Variants in FURIN observed in about 807,000 individuals in gnomAD.
FURIN encodes the protein furin, paired basic amino acid cleaving enzyme.
A neutral mutation model predicts 89.2 loss-of-function variants in FURIN; 18 were observed. The ratio of observed to expected loss-of-function variants is 0.20; its 90% CI spans 0.14 to 0.30. The LOEUF (loss-of-function observed/expected upper bound fraction) is 0.30. Ranked by LOEUF, FURIN falls within the 10% of genes least tolerant of loss-of-function variation. The probability of loss-of-function intolerance (pLI) is 1.00; values close to 1 mark genes in which losing one functional copy is unlikely to be tolerated. For synonymous variants in FURIN, 508 were observed against 466.4 expected (o/e 1.09, Z -1.15); for missense variants, 879 against 1,100.5 (o/e 0.80, Z 2.85).
chr15:90,875,029 CTTTTTTTT>C (rs11343964), intron 1 of FURIN, among the ~76,000 whole-genome samples: 1 of 101,278 alleles, frequency 9.9e-6, no homozygotes, highest in Non-Finnish European at 2.0e-5. Flanking sequence ...TTCTGTTACA[CTTTTTTTT>C]TTTTTTTTTT....
In FURIN at chr15:90,880,692, C is replaced by G; in HGVS notation, c.1558C>G (p.Pro520Ala). Residue 520 changes from proline to alanine, a missense_variant and splice_region_variant, in exon 14 of 16, where the codon CCA becomes GCA. By Grantham distance (27) the Pro-to-Ala change is conservative. This residue lies in a region of FURIN where 457 missense variants were observed against 490.7 expected (regional missense o/e 0.93). Coordinates refer to ENST00000268171, the MANE Select transcript of FURIN (RefSeq NM_002569.4). ...GGCTGTGTGCACTCCCCTCCCCAGG[C>G]CACATGACTACTCCGCAGATGGGTT... Reference protein sequence around the residue: ...GTRSTLLAARPHDYSADGFND... With the variant: ...GTRSTLLAARAHDYSADGFND... 1 of 1,612,240 alleles carries G rather than the reference C, an allele frequency of 6.2e-7. No individual in the cohort carries two copies. The highest frequency in any genetic ancestry group is 8.5e-7 in the Non-Finnish European group (1 of 1,179,006).
intron 1 of FURIN, among the ~76,000 whole-genome samples, chr15:90,872,408 G>A (rs1186805592): frequency 6.6e-6 from 1 of 152,110 alleles, no homozygotes; most frequent in Non-Finnish European, 1.5e-5. Context: ...CTCATCCACC[G>A]GAGAGTGTTG....
Position 90,868,596 on chromosome 15 carries a change from C to T in FURIN, c.-275C>T, listed in dbSNP as rs2031152347. The T allele has an allele frequency of 6.6e-6, 1 of 152,258 alleles. No individual in the cohort carries two copies. Among genetic ancestry groups the T allele is most frequent in the African/African-American group, 2.4e-5 (1 of 41,456 alleles). The allele number at this position is 152,258 out of a possible 1,614,324, so 9.4% of individuals were successfully genotyped here. ...TTTTCCCAAAGTGGTTTAGCCAGAACTGGAAGGGCCCCGCCCTGTGAAGGG... is the reference window on the plus strand; with the variant it reads ...TTTTCCCAAAGTGGTTTAGCCAGAATTGGAAGGGCCCCGCCCTGTGAAGGG... On this transcript the variant is annotated 5_prime_UTR_variant, in exon 1 of 16. Coordinates refer to ENST00000268171, the MANE Select transcript of FURIN (RefSeq NM_002569.4).
intron 7 of FURIN, among the ~76,000 whole-genome samples, chr15:90,877,925 G>A (rs2031726754): frequency 1.3e-5 from 2 of 152,242 alleles, no homozygotes; most frequent in African/African-American, 4.8e-5. Context: ...GTTGGGGGCA[G>A]GAGGTGTTCT....
rs965985141 is a variant in FURIN, at chr15:90,876,192, G to A, written c.178-63G>A. On this transcript the variant is annotated intron_variant, in intron 2 of 15. Coordinates refer to ENST00000268171, the MANE Select transcript of FURIN (RefSeq NM_002569.4). The surrounding 1 kb of genome is among the most constrained non-coding windows in gnomAD (Gnocchi z 5.0). ...TCCCATGAAGCCGTTGTCCACCCCC[G>A]TCCCCCGCCTCCCGGGGACTGACAG... is the stretch of plus-strand genomic sequence containing the variant. 30 of 1,110,240 alleles carry A rather than the reference G, an allele frequency of 2.7e-5. No homozygotes were observed. The highest frequency in any genetic ancestry group is 1.6e-4 in the East Asian group (7 of 42,622). The allele number at this position is 1,110,240 out of a possible 1,614,324, so 68.8% of individuals were successfully genotyped here. A position where few individuals can be genotyped will look rare whatever the true frequency, so the allele number is the denominator to read the frequency against.
At chr15:90,871,772 C>T (rs1026154318) in intron 1 of FURIN, among the ~76,000 whole-genome samples, 16 of 149,316 alleles carry the variant, frequency 1.1e-4, no homozygotes, top group African/African-American at 3.9e-4. Context: ...GCCGGTGCAG[C>T]CCTGACCCGG....
In FURIN at chr15:90,881,075, G is replaced by A; in HGVS notation, c.1792+35G>A. 1 of 1,473,764 alleles carries A rather than the reference G, an allele frequency of 6.8e-7. No individual in the cohort carries two copies. The highest frequency in any genetic ancestry group is 9.5e-7 in the Non-Finnish European group (1 of 1,052,018). 91.3% of individuals were successfully genotyped at this position (1,473,764 alleles called of 1,614,324 possible). On this transcript the variant is annotated intron_variant, in intron 15 of 15. Transcript: ENST00000268171. This position sits in a 1 kb window ranked among gnomAD's most constrained non-coding sequence, Gnocchi z 4.3. ...GGGTGCTGTTGGGCTTTGGGGGCCT[G>A]AGTCTGGGGGTAAGGCGGGTGCCTG... is the stretch of plus-strand genomic sequence containing the variant.
chr15:90,877,709 C>A, intron 7 of FURIN, 94 bp downstream of exon 7: 1 of 866,656 alleles, frequency 1.2e-6, no homozygotes, highest in Non-Finnish European at 1.8e-6. Context: ...TGCCACTTTC[C>A]CACTGTGGAT....
In FURIN at chr15:90,877,036, G is replaced by A. The variant is rs373490986; in HGVS notation, c.501+12G>A. 75 of 1,613,952 alleles carry A rather than the reference G, an allele frequency of 4.6e-5. No individual in the cohort carries two copies. Among genetic ancestry groups the A allele is most frequent in the South Asian group, 1.1e-4 (10 of 91,072 alleles). ...TGGCAGGCAATTATGTGAGGAAGTC[G>A]GGGAGGGAGGCCGTGATCCCTGCTG... On this transcript the variant is annotated intron_variant, in intron 5 of 15. Transcript: ENST00000268171.
intron 1 of FURIN, among the ~76,000 whole-genome samples, chr15:90,873,313 C>G (rs1015062017): frequency 6.6e-6 from 1 of 152,102 alleles, no homozygotes; most frequent in Non-Finnish European, 1.5e-5. Flanking sequence ...TGTTCAGTTG[C>G]GCCTGACGCC....
At chr15:90,875,949 G>A in intron 2 of FURIN, 32 bp downstream of exon 2, 3 of 1,512,574 alleles carry the variant, frequency 2.0e-6, no homozygotes, top group Non-Finnish European at 2.7e-6. Context: ...ACTGCCAGGG[G>A]GTGGGACCAG....
At chr15:90,871,071 G>T (rs1596072905) in intron 1 of FURIN, among the ~76,000 whole-genome samples, 1 of 152,334 alleles carries the variant, frequency 6.6e-6, no homozygotes, top group African/African-American at 2.4e-5. Context: ...CCAAGAGGAG[G>T]CTGGTCCTGC....
Position 90,876,773 on chromosome 15 carries a change from G to A in FURIN, c.373-123G>A, listed in dbSNP as rs76697532. Reference sequence around the variant, plus strand: ...CCATGGAGTCCAGACAGCCAGTGGCGGCCTTTCAGGAGCAGGGATGGTACA... The same window carrying A: ...CCATGGAGTCCAGACAGCCAGTGGCAGCCTTTCAGGAGCAGGGATGGTACA... On this transcript the variant is annotated intron_variant, in intron 4 of 15. Coordinates refer to ENST00000268171, the MANE Select transcript of FURIN (RefSeq NM_002569.4). The surrounding 1 kb of genome is among the most constrained non-coding windows in gnomAD (Gnocchi z 5.0). 2.7e-4 allele frequency: 301 copies of A among 1,104,520 alleles called. 1 individual carries two copies. Among genetic ancestry groups the A allele is most frequent in the East Asian group, 1.1e-3 (47 of 41,628 alleles). The allele number at this position is 1,104,520 out of a possible 1,614,324, so 68.4% of individuals were successfully genotyped here.
Position 90,881,063 on chromosome 15 carries a change from C to T in FURIN, c.1792+23C>T, listed in dbSNP as rs1257967663. On this transcript the variant is annotated intron_variant, in intron 15 of 15. Coordinates refer to ENST00000268171, the MANE Select transcript of FURIN (RefSeq NM_002569.4). This position sits in a 1 kb window ranked among gnomAD's most constrained non-coding sequence, Gnocchi z 4.3. ...TGGGTCAGTAGTGGGTGCTGTTGGG[C>T]TTTGGGGGCCTGAGTCTGGGGGTAA... is the stretch of plus-strand genomic sequence containing the variant. 2.0e-6 allele frequency: 3 copies of T among 1,537,744 alleles called. No homozygotes were observed. Among genetic ancestry groups the T allele is most frequent in the Non-Finnish European group, 2.7e-6 (3 of 1,110,440 alleles).
intron 1 of FURIN, among the ~76,000 whole-genome samples, chr15:90,875,380 G>A (rs1249701870): frequency 1.3e-5 from 2 of 152,072 alleles, no homozygotes; most frequent in Non-Finnish European, 2.9e-5. Context: ...GGATTGGGGG[G>A]GATTGTGAGG....
chr15:90,878,685 C>A, intron 8 of FURIN, 79 bp from the exon 9 acceptor site: 1 of 821,508 alleles, frequency 1.2e-6, no homozygotes, highest in East Asian at 2.6e-5. Flanking sequence ...TCCAGCCTTC[C>A]CAGTTTTCCA....
chr15:90,876,830 T>G lies in FURIN; in HGVS notation c.373-66T>G. ...GGTTTTACGGGGGCAAAGGGATTCTTCAAGATGCTCCTAGCCTCACAAAAC... is the reference window on the plus strand; with the variant it reads ...GGTTTTACGGGGGCAAAGGGATTCTGCAAGATGCTCCTAGCCTCACAAAAC... On this transcript the variant is annotated intron_variant, in intron 4 of 15. Coordinates refer to ENST00000268171, the MANE Select transcript of FURIN (RefSeq NM_002569.4). The surrounding 1 kb of genome is among the most constrained non-coding windows in gnomAD (Gnocchi z 5.0). 1 of 1,568,254 alleles carries G rather than the reference T, an allele frequency of 6.4e-7. No homozygotes were observed. The highest frequency in any genetic ancestry group is 8.7e-7 in the Non-Finnish European group (1 of 1,143,164).
chr15:90,881,216 G>T lies in FURIN; in HGVS notation c.1793-70G>T. The T allele has an allele frequency of 7.7e-7, 1 of 1,306,784 alleles. No homozygotes were observed. 80.9% of individuals were successfully genotyped at this position (1,306,784 alleles called of 1,614,324 possible). The stretch of plus-strand genomic sequence containing the variant: ...CCTGGGGATGTGGTGACTTGGCTTG[G>T]GGCTGCTGTGGTCCTGGGGCTACAG... On this transcript the variant is annotated intron_variant, in intron 15 of 15. Coordinates refer to ENST00000268171, the MANE Select transcript of FURIN (RefSeq NM_002569.4). The surrounding 1 kb of genome is among the most constrained non-coding windows in gnomAD (Gnocchi z 4.3).
intron 7 of FURIN, among the ~76,000 whole-genome samples, chr15:90,877,849 C>A (rs566378026): frequency 6.6e-6 from 1 of 152,312 alleles, no homozygotes; most frequent in African/African-American, 2.4e-5. Context: ...TGAGTCCTCA[C>A]GTGGCAGATC....
Sources: gnomAD v4.1 joint callset for allele counts (sites outside exome capture counted in the v4.1 genomes callset) on GRCh38, gnomAD v4.1.1 for gene constraint, gnomAD v4.1.1 regional missense constraint, Gnocchi (gnomAD v3.1) non-coding constraint, MANE v1.5 for transcripts, NCBI Gene and HGNC (gene_info 2026-07-23, HGNC 2026-07-21) for gene names.